Variants in GALNT13 observed in about 807,000 individuals in gnomAD.
GALNT13 encodes UDP-GalNAc:polypeptide N-acetylgalactosaminyltransferase 13.
Under a neutral mutation model 64.2 loss-of-function variants are expected in GALNT13, and 28 were observed. The ratio of observed to expected loss-of-function variants is 0.44; its 90% confidence interval spans 0.32 to 0.60. The LOEUF (loss-of-function observed/expected upper bound fraction) is 0.60, where lower values mean the gene tolerates loss of function less well. Among genes scored for constraint, GALNT13 ranks in the 20% least tolerant of loss-of-function variants. GALNT13 has a pLI of 0.05. For missense variants in GALNT13, 577 were observed against 669.8 expected, an observed-to-expected ratio of 0.86 and a Z score of 1.53; for synonymous variants, 214 against 224.6, an observed-to-expected ratio of 0.95 and a Z score of 0.42.
the GALNT13 span, among the ~76,000 whole-genome samples, chr2:153,758,025 A>T: frequency 6.6e-6 from 1 of 151,974 alleles, no homozygotes; most frequent in Non-Finnish European, 1.5e-5. Context: ...TTGTTCCCTG[A>T]GCTATCATGG....
the GALNT13 span, among the ~76,000 whole-genome samples, chr2:153,124,883 C>T: frequency 1.3e-5 from 2 of 152,128 alleles, no homozygotes; most frequent in Non-Finnish European, 2.9e-5. Context: ...AAGTTTTGCT[C>T]CTTGCTTAAT....
intron 3 of GALNT13, among the ~76,000 whole-genome samples, chr2:154,027,751 A>G (rs72995303): frequency 0.014 from 2,129 of 152,210 alleles, 50 homozygotes; most frequent in African/African-American, 0.048. Flanking sequence ...ATCATGGGGG[A>G]TAAATAAATA....
chr2:153,967,473 C>T (rs1693451453), intron 3 of GALNT13, among the ~76,000 whole-genome samples: 1 of 152,134 alleles, frequency 6.6e-6, no homozygotes, highest in Non-Finnish European at 1.5e-5. Context: ...AGCCCAGGAA[C>T]ACTGTGGCTC....
chr2:154,437,379 G>A (rs1217252922), intron 11 of GALNT13: 9 of 366,830 alleles, frequency 2.5e-5, no homozygotes, highest in South Asian at 2.1e-4. Context: ...CAGAGTTTAT[G>A]TTATTTGTAA....
the GALNT13 span, among the ~76,000 whole-genome samples, chr2:153,605,521 T>C: frequency 6.6e-6 from 1 of 152,114 alleles, no homozygotes; most frequent in Non-Finnish European, 1.5e-5. Flanking sequence ...GAAAGTTTTT[T>C]AGTAGAAATT....
chr2:154,188,316 G>A (rs533629966), intron 4 of GALNT13, among the ~76,000 whole-genome samples: 5 of 152,144 alleles, frequency 3.3e-5, no homozygotes, highest in Admixed American at 3.3e-4. Context: ...CAAATAAAGA[G>A]GGGTTATTGT....
chr2:154,413,857 T>G (rs1476887160), intron 11 of GALNT13, among the ~76,000 whole-genome samples: 1 of 152,076 alleles, frequency 6.6e-6, no homozygotes, highest in Admixed American at 6.6e-5. Context: ...TGTTTTATTG[T>G]TTAACATACA....
chr2:153,807,242 C>CATATAT, the GALNT13 span, among the ~76,000 whole-genome samples: 1 of 150,684 alleles, frequency 6.6e-6, no homozygotes, highest in African/African-American at 2.4e-5. Context: ...GATAGATAGA[C>CATATAT]ATATATATAT....
At chr2:153,140,275 A>G in the GALNT13 span, among the ~76,000 whole-genome samples, 669 of 152,122 alleles carry the variant, frequency 4.4e-3, 6 homozygotes, top group African/African-American at 0.015. Context: ...TCCCACGAGA[A>G]CCCGATAAGT....
intron 4 of GALNT13, among the ~76,000 whole-genome samples, chr2:154,229,859 G>C (rs1688823506): frequency 6.6e-6 from 1 of 152,104 alleles, no homozygotes; most frequent in Admixed American, 6.6e-5. Flanking sequence ...TCCAGATCCT[G>C]TGAAGCCTTT....
At chr2:154,166,779 A>G (rs1212670270) in intron 4 of GALNT13, among the ~76,000 whole-genome samples, 2 of 152,358 alleles carry the variant, frequency 1.3e-5, no homozygotes, top group African/African-American at 2.4e-5. Flanking sequence ...CATATACACC[A>G]TGGAATATTA....
At chr2:153,580,169 C>T in the GALNT13 span, among the ~76,000 whole-genome samples, 9 of 152,084 alleles carry the variant, frequency 5.9e-5, no homozygotes, top group Admixed American at 5.2e-4. Flanking sequence ...AACATGGCTC[C>T]GGAGGTAAAA....
At chr2:153,970,580 A>G in intron 3 of GALNT13, among the ~76,000 whole-genome samples, 1 of 152,144 alleles carries the variant, frequency 6.6e-6, no homozygotes, top group East Asian at 1.9e-4. Flanking sequence ...AACTTTACAT[A>G]GCCATGTTAT....
the GALNT13 span, among the ~76,000 whole-genome samples, chr2:153,201,977 T>G: frequency 7.6e-6 from 1 of 131,062 alleles, no homozygotes; most frequent in East Asian, 2.2e-4. Context: ...CCATTTCTTT[T>G]TTTTTTTTTT....
chr2:153,232,841 A>G, the GALNT13 span, among the ~76,000 whole-genome samples: 3 of 152,208 alleles, frequency 2.0e-5, no homozygotes, highest in African/African-American at 7.2e-5. Flanking sequence ...TCTCAACTCA[A>G]GTTCTCACCA....
chr2:153,203,223 C>G, the GALNT13 span, among the ~76,000 whole-genome samples: 1 of 152,206 alleles, frequency 6.6e-6, no homozygotes, highest in Non-Finnish European at 1.5e-5. Context: ...TTTTCACTCC[C>G]TGCAAAAACA....
chr2:153,873,595 A>G (rs536592407), intron 1 of GALNT13, among the ~76,000 whole-genome samples: 14 of 152,248 alleles, frequency 9.2e-5, no homozygotes, highest in Admixed American at 2.0e-4. Context: ...AGCTTTGGGG[A>G]CTGAGGTATG....
the GALNT13 span, among the ~76,000 whole-genome samples, chr2:153,783,262 A>G: frequency 6.6e-6 from 1 of 152,216 alleles, no homozygotes; most frequent in Admixed American, 6.5e-5. Flanking sequence ...TTTTAGTATT[A>G]TAGTGGGAGA....
chr2:154,043,419 TA>T (rs1699103215), intron 3 of GALNT13, among the ~76,000 whole-genome samples: 1 of 29,444 alleles, frequency 3.4e-5, no homozygotes, highest in Admixed American at 2.4e-4. Context: ...GACTTTTATA[TA>T]TATATATATA....
Sources: gnomAD v4.1 joint callset for allele counts (sites outside exome capture counted in the v4.1 genomes callset) on GRCh38, gnomAD v4.1.1 for gene constraint, MANE v1.5 for transcripts, NCBI Gene and HGNC (gene_info 2026-07-23, HGNC 2026-07-21) for gene names.